The following SDK1 variants were observed in gnomAD, a reference collection of about 807,000 sequenced individuals.
SDK1 encodes protein sidekick-1.
In SDK1, 157 loss-of-function variants were observed where a neutral mutation model predicts 245.5. That is an observed-to-expected ratio of 0.64 (90% CI 0.56 to 0.73). The LOEUF (loss-of-function observed/expected upper bound fraction) is 0.73, where lower values mean the gene tolerates loss of function less well. Ranked by LOEUF, SDK1 falls within the 30% of genes least tolerant of loss-of-function variation. The probability of loss-of-function intolerance (pLI) is 0.00; values close to 1 mark genes in which losing one functional copy is unlikely to be tolerated. For synonymous variants in SDK1, 1,647 were observed against 1,278.5 expected (o/e 1.29, Z -6.15); for missense variants, 3,583 against 3,002.3 (o/e 1.19, Z -4.52).
At chr7:3,821,322 G>C (rs1398943147) in intron 4 of SDK1, 128 bp from the exon 5 acceptor site, 3 of 1,077,590 alleles carry the variant, frequency 2.8e-6, no homozygotes, top group Non-Finnish European at 4.0e-6. Context: ...CCTGTGTATT[G>C]TTTTTGTCCT....
chr7:4,139,121 C>T (rs1194654290), intron 28 of SDK1, among the ~76,000 whole-genome samples: 2 of 152,234 alleles, frequency 1.3e-5, no homozygotes, highest in African/African-American at 4.8e-5. Context: ...GAGCCCAGCC[C>T]CACGGCCCCT....
intron 28 of SDK1, among the ~76,000 whole-genome samples, chr7:4,141,998 A>G (rs189880384): frequency 4.0e-5 from 6 of 151,812 alleles, no homozygotes; most frequent in Non-Finnish European, 8.8e-5. Flanking sequence ...CTTTTGATCC[A>G]CCTGCCTCGG....
chr7:3,943,985 T>G (rs1780475850), intron 5 of SDK1, among the ~76,000 whole-genome samples: 1 of 152,206 alleles, frequency 6.6e-6, no homozygotes. Flanking sequence ...TTTGACTCAG[T>G]GTCTTCACCT....
At chr7:3,798,472 C>T (rs1317208494) in intron 4 of SDK1, among the ~76,000 whole-genome samples, 1 of 152,102 alleles carries the variant, frequency 6.6e-6, no homozygotes, top group African/African-American at 2.4e-5. Flanking sequence ...CCACCTTGGC[C>T]TCCCAAAGTG....
At chr7:3,541,176 G>C (rs539330673) in intron 1 of SDK1, among the ~76,000 whole-genome samples, 1 of 152,312 alleles carries the variant, frequency 6.6e-6, no homozygotes, top group Admixed American at 6.5e-5. Flanking sequence ...TCCTGTCTAA[G>C]GCAGTGGACT....
At chr7:4,159,751 A>G (rs1278060427) in intron 31 of SDK1, among the ~76,000 whole-genome samples, 2 of 152,090 alleles carry the variant, frequency 1.3e-5, no homozygotes, top group African/African-American at 4.8e-5. Context: ...AAATGTTCAG[A>G]AAAAAAGTTA....
chr7:3,800,234 C>G (rs1303918189), intron 4 of SDK1, among the ~76,000 whole-genome samples: 1 of 152,094 alleles, frequency 6.6e-6, no homozygotes, highest in Non-Finnish European at 1.5e-5. Flanking sequence ...CTTGTTCTCT[C>G]AATTCTTAGC....
chr7:3,323,431 G>A (rs760607653), intron 1 of SDK1, among the ~76,000 whole-genome samples: 9 of 152,210 alleles, frequency 5.9e-5, no homozygotes, highest in Non-Finnish European at 1.3e-4. Context: ...ATTGGCCAGT[G>A]TTTGGGCCAT....
intron 17 of SDK1, among the ~76,000 whole-genome samples, chr7:4,029,982 A>G (rs933633720): frequency 1.3e-5 from 2 of 152,222 alleles, no homozygotes; most frequent in Admixed American, 1.3e-4. Context: ...ACCAGTTATA[A>G]CACTTGGGGT....
At chr7:4,095,624 G>A (rs1252090171) in intron 22 of SDK1, among the ~76,000 whole-genome samples, 1 of 152,014 alleles carries the variant, frequency 6.6e-6, no homozygotes, top group African/African-American at 2.4e-5. Flanking sequence ...ACAGGCTGGA[G>A]TGCAGTGGCG....
intron 4 of SDK1, among the ~76,000 whole-genome samples, chr7:3,798,594 C>G (rs1426058651): frequency 6.6e-6 from 1 of 152,136 alleles, no homozygotes; most frequent in African/African-American, 2.4e-5. Context: ...GATGGTTTCT[C>G]ACGATCAAGC....
At chr7:3,806,940 G>A (rs1332833459) in intron 4 of SDK1, among the ~76,000 whole-genome samples, 1 of 151,986 alleles carries the variant, frequency 6.6e-6, no homozygotes, top group Non-Finnish European at 1.5e-5. Flanking sequence ...GTATTGTTGT[G>A]GTTAATAATG....
At chr7:3,808,428 CTG>C (rs1278709547) in intron 4 of SDK1, among the ~76,000 whole-genome samples, 4 of 152,224 alleles carry the variant, frequency 2.6e-5, no homozygotes, top group Non-Finnish European at 4.4e-5. Flanking sequence ...ATGCCAGTGT[CTG>C]TCTCCCAACT....
intron 5 of SDK1, among the ~76,000 whole-genome samples, chr7:3,843,730 G>C (rs1469383228): frequency 6.6e-6 from 1 of 152,164 alleles, no homozygotes; most frequent in Non-Finnish European, 1.5e-5. Flanking sequence ...TGAAGCCATC[G>C]GGACGCTGAG....
chr7:3,868,840 C>A (rs78426506), intron 5 of SDK1, among the ~76,000 whole-genome samples: 1 of 152,136 alleles, frequency 6.6e-6, no homozygotes, highest in African/African-American at 2.4e-5. Context: ...TCATTTCAGC[C>A]TTCAGAGTGA....
chr7:3,320,528 A>G (rs1009287627), intron 1 of SDK1, among the ~76,000 whole-genome samples: 1 of 152,162 alleles, frequency 6.6e-6, no homozygotes, highest in Non-Finnish European at 1.5e-5. Context: ...AACCCTAAAG[A>G]TGAAGCATTT....
At chr7:3,813,371 T>A (rs1384407301) in intron 4 of SDK1, among the ~76,000 whole-genome samples, 1 of 147,650 alleles carries the variant, frequency 6.8e-6, no homozygotes, top group Non-Finnish European at 1.5e-5. Context: ...GTTTGGTTTT[T>A]TGTTCTTGCG....
Position 3,822,373 on chromosome 7 carries a change from T to C in SDK1, c.847+790T>C, listed in dbSNP as rs186325885. Among the ~76,000 whole-genome samples the C allele has an allele frequency of 4.0e-3, 606 of 152,296 alleles. 1 individual carries two copies. The highest frequency in any genetic ancestry group is 0.011 in the South Asian group (55 of 4,824). The stretch of plus-strand genomic sequence containing the variant: ...CGGATGGTAAATTTCAAAATATTAT[T>C]ATCATATCATATGAGTGAATTATAT... On this transcript the variant is annotated intron_variant, in intron 5 of 44. Coordinates refer to ENST00000404826, the MANE Select transcript of SDK1 (RefSeq NM_152744.4).
At chr7:4,170,750 C>T (rs1052396726) in intron 32 of SDK1, among the ~76,000 whole-genome samples, 1 of 152,174 alleles carries the variant, frequency 6.6e-6, no homozygotes, top group African/African-American at 2.4e-5. Flanking sequence ...ACCCCATCAA[C>T]ACCCCCAGTT....
Sources: gnomAD v4.1 joint callset for allele counts (sites outside exome capture counted in the v4.1 genomes callset) on GRCh38, gnomAD v4.1.1 for gene constraint, MANE v1.5 for transcripts, NCBI Gene and HGNC (gene_info 2026-07-23, HGNC 2026-07-21) for gene names.